The following KIF1A variants were observed in gnomAD, a reference collection of about 807,000 sequenced individuals.
KIF1A encodes kinesin family member 1A.
A neutral mutation model predicts 227.3 loss-of-function variants in KIF1A; 46 were observed. The ratio of observed to expected loss-of-function variants is 0.20; its 90% confidence interval spans 0.16 to 0.26. The LOEUF (loss-of-function observed/expected upper bound fraction) is 0.26. Among genes scored for constraint, KIF1A ranks in the 10% least tolerant of loss-of-function variants. KIF1A has a pLI of 1.00. For synonymous variants in KIF1A, 1,022 were observed against 1,012.8 expected (o/e 1.01, Z -0.17); for missense variants, 1,683 against 2,485.9 (o/e 0.68, Z 6.87).
chr2:240,786,817 T>C (rs1253464845), intron 5 of KIF1A, among the ~76,000 whole-genome samples: 1 of 147,728 alleles, frequency 6.8e-6, no homozygotes, highest in African/African-American at 2.6e-5. Flanking sequence ...TCAGGACCCC[T>C]GAGTGAGAGG....
chr2:240,811,788 AGATGC>A (rs1386551619), intron 1 of KIF1A, among the ~76,000 whole-genome samples: 3 of 152,064 alleles, frequency 2.0e-5, no homozygotes, highest in African/African-American at 7.2e-5. Flanking sequence ...GAGCCAAAGA[AGATGC>A]CGAGAAGCTG....
intron 7 of KIF1A, 74 bp from the exon 8 acceptor site, chr2:240,783,890 G>T: frequency 5.2e-6 from 6 of 1,162,462 alleles, no homozygotes; most frequent in Non-Finnish European, 7.6e-6. Flanking sequence ...CCTGGGCAAG[G>T]TCTCCACAGC....
chr2:240,800,058 C>A (rs1404499507), intron 1 of KIF1A, among the ~76,000 whole-genome samples: 2 of 149,256 alleles, frequency 1.3e-5, no homozygotes, highest in Non-Finnish European at 3.0e-5. Context: ...ACAATGATTT[C>A]CAAAGTCTAG....
At chr2:240,807,095 T>A (rs2057469281) in intron 1 of KIF1A, among the ~76,000 whole-genome samples, 1 of 94,016 alleles carries the variant, frequency 1.1e-5, no homozygotes, top group Admixed American at 1.1e-4. Flanking sequence ...TGTGTGTGTG[T>A]GTGTGTGTGT....
Position 240,726,541 on chromosome 2 carries a change from G to GC in KIF1A, c.4122+284dup, listed in dbSNP as rs1300911694. On this transcript the variant is annotated intron_variant, in intron 39 of 48. Coordinates refer to ENST00000498729, the MANE Select transcript of KIF1A (RefSeq NM_001244008.2). This position sits in a 1 kb window ranked among gnomAD's most constrained non-coding sequence, Gnocchi z 5.2. ...CAGGAGAATCGCTTGAGCCTGGGAAGCGGAGGTTGCAGTGAGACTGCGCCA... is the reference window on the plus strand; with the variant it reads ...CAGGAGAATCGCTTGAGCCTGGGAAGCCGGAGGTTGCAGTGAGACTGCGCCA... Among the ~76,000 whole-genome samples, 1 of 152,234 alleles carries GC rather than the reference G, an allele frequency of 6.6e-6. No homozygotes were observed. The highest frequency in any genetic ancestry group is 6.5e-5 in the Admixed American group (1 of 15,282).
intron 1 of KIF1A, among the ~76,000 whole-genome samples, chr2:240,805,717 A>G (rs2057354467): frequency 6.6e-6 from 1 of 152,242 alleles, no homozygotes; most frequent in Non-Finnish European, 1.5e-5. Context: ...ACAATATTTT[A>G]CCATGTACTA....
chr2:240,819,138 C>G (rs1422085761), intron 1 of KIF1A, among the ~76,000 whole-genome samples: 1 of 152,174 alleles, frequency 6.6e-6, no homozygotes, highest in Non-Finnish European at 1.5e-5. Context: ...GCGGACCCTC[C>G]CTCCCGGCGG....
chr2:240,816,076 C>T (rs896693769), intron 1 of KIF1A, among the ~76,000 whole-genome samples: 2 of 151,922 alleles, frequency 1.3e-5, no homozygotes, highest in Admixed American at 6.6e-5. Flanking sequence ...GACCTAAAAC[C>T]TAATGTGGAG....
At chr2:240,733,112 G>C (rs998665704) in intron 38 of KIF1A, among the ~76,000 whole-genome samples, 1 of 151,934 alleles carries the variant, frequency 6.6e-6, no homozygotes, top group African/African-American at 2.4e-5. Flanking sequence ...TCCTGATTTT[G>C]CCTTTAATCC....
chr2:240,803,332 T>C (rs1037130927), intron 1 of KIF1A, among the ~76,000 whole-genome samples: 1 of 152,210 alleles, frequency 6.6e-6, no homozygotes, highest in African/African-American at 2.4e-5. Flanking sequence ...CCCAGGTTGG[T>C]TCAGACCCCA....
At position 240,777,579 on chromosome 2, in the gene KIF1A, C is replaced by T. The variant is rs111818723; in HGVS notation, c.883-1653G>A. Among the ~76,000 whole-genome samples the T allele has an allele frequency of 7.0e-4, 106 of 152,300 alleles. 1 individual carries two copies. The highest frequency in any genetic ancestry group is 3.4e-3 in the Middle Eastern group (1 of 294). ...AGCCTCCACCATCCCAAGCCTGGAACGCTGACCTTCCATCCTGACTTGCCG... is the reference window on the plus strand; with the variant it reads ...AGCCTCCACCATCCCAAGCCTGGAATGCTGACCTTCCATCCTGACTTGCCG... On this transcript the variant is annotated intron_variant, in intron 10 of 48. Transcript: ENST00000498729.
intron 46 of KIF1A, 85 bp downstream of exon 46, chr2:240,719,688 GC>G (rs1328944228): frequency 4.2e-5 from 58 of 1,368,998 alleles, no homozygotes; most frequent in Non-Finnish European, 5.5e-5. Context: ...GGGTCCCTGT[GC>G]CCCCAGTATG....
In KIF1A at chr2:240,765,706, A is replaced by G. The variant is rs780489790; in HGVS notation, c.1768+4T>C. 2.5e-6 allele frequency: 4 copies of G among 1,612,010 alleles called. No homozygotes were observed. The Admixed American group carries it at 6.7e-5, about 27-fold the overall frequency. On this transcript the variant is annotated splice_donor_region_variant and intron_variant, in intron 20 of 48. Coordinates refer to ENST00000498729, the MANE Select transcript of KIF1A (RefSeq NM_001244008.2). The stretch of plus-strand genomic sequence containing the variant: ...TGACTGGCCCCCGGAGTCCCCAGCC[A>G]TACCTGAACGCAGGATGCTGGGCTC...
intron 10 of KIF1A, among the ~76,000 whole-genome samples, chr2:240,777,385 C>A (rs773724049): frequency 5.3e-5 from 8 of 152,180 alleles, no homozygotes; most frequent in Admixed American, 3.3e-4. Context: ...AGGGTGAATT[C>A]TCTGCTATGT....
Position 240,787,385 on chromosome 2 carries a change from T to G in KIF1A, c.364-69A>C, listed in dbSNP as rs570416870. Reference sequence around the variant, plus strand: ...CTCCCTGGATCCCTGCCCCTTGCGATACTGTGGGCAGCCTGTGCCAGGCGG... The same window carrying G: ...CTCCCTGGATCCCTGCCCCTTGCGAGACTGTGGGCAGCCTGTGCCAGGCGG... On this transcript the variant is annotated intron_variant, in intron 4 of 48. Coordinates refer to ENST00000498729, the MANE Select transcript of KIF1A (RefSeq NM_001244008.2). 8.7e-6 allele frequency: 12 copies of G among 1,380,380 alleles called. No homozygotes were observed. In the East Asian group the frequency reaches 2.5e-4, roughly 29 times the overall value. 85.5% of individuals were successfully genotyped at this position (1,380,380 alleles called of 1,614,324 possible). A position where few individuals can be genotyped will look rare whatever the true frequency, so the allele number is the denominator to read the frequency against.
rs2047788033 is a variant in KIF1A at position 240,740,180 on chromosome 2, CA to C, written c.3817-39del. On this transcript the variant is annotated intron_variant, in intron 36 of 48. Coordinates refer to ENST00000498729, the MANE Select transcript of KIF1A (RefSeq NM_001244008.2). This position sits in a 1 kb window ranked among gnomAD's most constrained non-coding sequence, Gnocchi z 6.1. ...GGTGAGAGGATATGGTCAGACGGCT[CA>C]GGGGGCTACGTAGGGTGAGGGAGGG... 2 of 1,582,622 alleles carry C rather than the reference CA, an allele frequency of 1.3e-6. No homozygotes were observed. The highest frequency in any genetic ancestry group is 1.3e-5 in the African/African-American group (1 of 74,184).
rs1158429261 is a variant in KIF1A at position 240,725,649 on chromosome 2, G to A, written c.4123-245C>T. The A allele has an allele frequency of 5.9e-6, 3 of 504,650 alleles. No individual in the cohort carries two copies. Among genetic ancestry groups the A allele is most frequent in the African/African-American group, 3.9e-5 (2 of 51,532 alleles). The allele number at this position is 504,650 out of a possible 1,614,324, so 31.3% of individuals were successfully genotyped here. On this transcript the variant is annotated intron_variant, in intron 39 of 48. Transcript: ENST00000498729. The surrounding 1 kb of genome is among the most constrained non-coding windows in gnomAD (Gnocchi z 5.8). ...GGCTGCCTGAGGGACTGGTCTCCATGTGTGGGGACCCCGAGGGTCCCAGAC... is the reference window on the plus strand; with the variant it reads ...GGCTGCCTGAGGGACTGGTCTCCATATGTGGGGACCCCGAGGGTCCCAGAC...
intron 10 of KIF1A, 149 bp downstream of exon 10, chr2:240,782,441 G>T (rs563572687): frequency 4.9e-5 from 49 of 995,194 alleles, no homozygotes; most frequent in Non-Finnish European, 6.8e-5. Context: ...TCCCACACCC[G>T]CTTTCTTCCT....
At chr2:240,791,889 C>T (rs1388711833) in intron 2 of KIF1A, among the ~76,000 whole-genome samples, 19 of 151,984 alleles carry the variant, frequency 1.3e-4, no homozygotes, top group Non-Finnish European at 1.5e-5. Flanking sequence ...GGCTGGGACC[C>T]CCATCCCACC....
Sources: allele counts gnomAD v4.1 joint callset (sites outside exome capture counted in the v4.1 genomes callset), GRCh38; gene constraint gnomAD v4.1.1; non-coding constraint Gnocchi (gnomAD v3.1); transcripts MANE v1.5; gene names NCBI Gene and HGNC (gene_info 2026-07-23, HGNC 2026-07-21).